The following NRXN3 variants were observed in gnomAD, a reference collection of about 807,000 sequenced individuals.
NRXN3 encodes the protein neurexin 3.
In NRXN3, 32 loss-of-function variants were observed where a neutral mutation model predicts 137.6. The ratio of observed to expected loss-of-function variants is 0.23; its 90% CI spans 0.18 to 0.31. The LOEUF (loss-of-function observed/expected upper bound fraction) is 0.31. NRXN3 is among the 10% of genes least tolerant of loss of function. The pLI is 1.00. For missense variants in NRXN3, 1,574 were observed against 2,062.5 expected, an observed-to-expected ratio of 0.76 and a Z score of 4.59; for synonymous variants, 798 against 784.5, an observed-to-expected ratio of 1.02 and a Z score of -0.29.
intron 15 of NRXN3, among the ~76,000 whole-genome samples, chr14:79,435,633 C>A (rs1226222111): frequency 6.7e-6 from 1 of 149,624 alleles, no homozygotes; most frequent in Admixed American, 6.7e-5. Context: ...CACACACATA[C>A]ATTCTTTGTT....
intron 15 of NRXN3, among the ~76,000 whole-genome samples, chr14:79,121,523 C>G (rs1029950374): frequency 6.6e-6 from 1 of 152,198 alleles, no homozygotes; most frequent in African/African-American, 2.4e-5. Flanking sequence ...AAATTTCACT[C>G]TAAACATTTT....
Position 78,228,475 on chromosome 14 carries a change from G to A in NRXN3, c.-703-13916G>A, listed in dbSNP as rs139325295. Among the ~76,000 whole-genome samples, 30 of 152,238 alleles carry A rather than the reference G, an allele frequency of 2.0e-4. No homozygotes were observed. In the East Asian group the frequency reaches 3.5e-3, roughly 18 times the overall value. Reference sequence around the variant, plus strand: ...CCGGCTAGATCTCTAAAATCATAGCGTGAGTAAGGTGAACAGAAAAATAGT... The same window carrying A: ...CCGGCTAGATCTCTAAAATCATAGCATGAGTAAGGTGAACAGAAAAATAGT... On this transcript the variant is annotated intron_variant, in intron 1 of 20. Transcript: ENST00000335750.
chr14:79,190,903 T>C (rs1188941517), intron 15 of NRXN3, among the ~76,000 whole-genome samples: 1 of 152,176 alleles, frequency 6.6e-6, no homozygotes, highest in East Asian at 1.9e-4. Context: ...TTTACCCTTA[T>C]AAAAACTGTA....
At chr14:79,826,149 C>A (rs2099299435) in intron 20 of NRXN3, among the ~76,000 whole-genome samples, 1 of 152,102 alleles carries the variant, frequency 6.6e-6, no homozygotes, top group African/African-American at 2.4e-5. Flanking sequence ...GCACCTGCTA[C>A]CATGCCCAGC....
intron 4 of NRXN3, among the ~76,000 whole-genome samples, chr14:78,362,486 A>G (rs908399310): frequency 6.6e-6 from 1 of 152,174 alleles, no homozygotes; most frequent in Non-Finnish European, 1.5e-5. Context: ...AAGGAGTTAC[A>G]TCATCTTTTT....
At chr14:78,526,677 C>A (rs1376273894) in intron 4 of NRXN3, 3 of 485,868 alleles carry the variant, frequency 6.2e-6, no homozygotes, top group Non-Finnish European at 1.2e-5. Flanking sequence ...TACTTGTGCA[C>A]CGTGCACTAG....
chr14:78,318,840 G>A (rs373671670), intron 4 of NRXN3, among the ~76,000 whole-genome samples: 19 of 152,374 alleles, frequency 1.2e-4, no homozygotes, highest in African/African-American at 4.6e-4. Context: ...AAGGGCTGCT[G>A]CCTCTTAGCA....
chr14:79,431,747 G>A (rs2095758424), intron 15 of NRXN3, among the ~76,000 whole-genome samples: 2 of 151,910 alleles, frequency 1.3e-5, no homozygotes, highest in Admixed American at 1.3e-4. Context: ...AAATGAACCT[G>A]CCTTACTGTT....
intron 9 of NRXN3, among the ~76,000 whole-genome samples, chr14:78,807,606 G>A (rs982758257): frequency 1.3e-5 from 2 of 151,652 alleles, no homozygotes; most frequent in South Asian, 2.1e-4. Flanking sequence ...TTGGTGGTGC[G>A]TGCCTGTGAT....
intron 15 of NRXN3, among the ~76,000 whole-genome samples, chr14:79,355,258 C>A (rs1389569599): frequency 7.0e-6 from 1 of 143,600 alleles, no homozygotes; most frequent in African/African-American, 3.0e-5. Flanking sequence ...TGTCCCCCAC[C>A]CCCTTCCTTC....
chr14:78,505,565 G>A (rs747680914), intron 4 of NRXN3, among the ~76,000 whole-genome samples: 1 of 152,178 alleles, frequency 6.6e-6, no homozygotes, highest in South Asian at 2.1e-4. Flanking sequence ...AATGCTAGAT[G>A]AGCAAGATGA....
chr14:79,214,457 T>C (rs910814049), intron 15 of NRXN3, among the ~76,000 whole-genome samples: 5 of 152,188 alleles, frequency 3.3e-5, no homozygotes, highest in African/African-American at 1.2e-4. Flanking sequence ...TTCAAATAGC[T>C]AGAAGGAGGA....
intron 10 of NRXN3, among the ~76,000 whole-genome samples, chr14:78,871,385 A>T (rs536289066): frequency 4.4e-4 from 67 of 152,166 alleles, no homozygotes; most frequent in African/African-American, 1.6e-3. Context: ...AAATTAATTT[A>T]TCAAGCCAGA....
At chr14:78,659,396 T>G (rs1487318614) in intron 6 of NRXN3, among the ~76,000 whole-genome samples, 1 of 152,152 alleles carries the variant, frequency 6.6e-6, no homozygotes, top group East Asian at 1.9e-4. Flanking sequence ...TGGCCATTTT[T>G]GGCTGGGCAT....
At chr14:79,450,092 T>C (rs547381845) in intron 15 of NRXN3, among the ~76,000 whole-genome samples, 106 of 149,832 alleles carry the variant, frequency 7.1e-4, no homozygotes, top group African/African-American at 2.4e-3. Context: ...TCTCTCTCCC[T>C]CTCTCCACAC....
At chr14:79,813,647 C>T (rs1018227746) in intron 20 of NRXN3, among the ~76,000 whole-genome samples, 9 of 152,084 alleles carry the variant, frequency 5.9e-5, no homozygotes, top group Non-Finnish European at 1.3e-4. Flanking sequence ...ACAAAACAAA[C>T]CCCAACGAAA....
At chr14:78,347,173 C>T (rs901199807) in intron 4 of NRXN3, among the ~76,000 whole-genome samples, 4 of 152,174 alleles carry the variant, frequency 2.6e-5, no homozygotes, top group Admixed American at 6.5e-5. Context: ...GGGAGAATCC[C>T]TGATTGTAGC....
chr14:79,645,097 C>G (rs1386530622), intron 16 of NRXN3, among the ~76,000 whole-genome samples: 1 of 135,542 alleles, frequency 7.4e-6, no homozygotes, highest in Non-Finnish European at 1.7e-5. Flanking sequence ...GAGTTTAAAT[C>G]CCATTTCTGC....
chr14:78,284,173 A>G (rs879326792), intron 3 of NRXN3, among the ~76,000 whole-genome samples: 2 of 152,152 alleles, frequency 1.3e-5, no homozygotes, highest in Admixed American at 1.3e-4. Context: ...CTTAGGGGAA[A>G]CCTGCCTCCT....
Sources: allele counts gnomAD v4.1 joint callset (sites outside exome capture counted in the v4.1 genomes callset), GRCh38; gene constraint gnomAD v4.1.1; transcripts MANE v1.5; gene names NCBI Gene and HGNC (gene_info 2026-07-23, HGNC 2026-07-21).